FIGN: variants seen among roughly 807,000 people sequenced by gnomAD.
FIGN encodes fidgetin.
FIGN carries 11 observed loss-of-function variants against 51.3 expected under a neutral mutation model. That is an observed-to-expected ratio of 0.21 (90% CI 0.13 to 0.35). The LOEUF (loss-of-function observed/expected upper bound fraction) is 0.35, where lower values mean the gene tolerates loss of function less well. Among genes scored for constraint, FIGN ranks in the 10% least tolerant of loss-of-function variants. FIGN has a pLI of 1.00. For missense variants in FIGN, 857 were observed against 943.6 expected, an observed-to-expected ratio of 0.91 and a Z score of 1.20; for synonymous variants, 407 against 363.2, an observed-to-expected ratio of 1.12 and a Z score of -1.37.
Position 163,609,541 on chromosome 2 carries a change from TAAAGAA to T in FIGN, c.*5_*10del. 5 of 1,590,604 alleles carry T rather than the reference TAAAGAA, an allele frequency of 3.1e-6. No homozygotes were observed. The Admixed American group carries it at 8.6e-5, about 27-fold the overall frequency. The stretch of plus-strand genomic sequence containing the variant: ...CAACATTCATTACATTTTTTTTTTC[TAAAGAA>T]GTTATCACTGACTGCAACCAAACAT... On this transcript the variant is annotated 3_prime_UTR_variant, in exon 3 of 3. Coordinates refer to ENST00000333129, the MANE Select transcript of FIGN (RefSeq NM_018086.4).
chr2:163,612,603 A>T, intron 2 of FIGN: 1 of 984,198 alleles, frequency 1.0e-6, no homozygotes, highest in Non-Finnish European at 1.2e-6. Context: ...AAAAACAAGC[A>T]TCACTTGTCT....
chr2:163,734,896 G>A lies in FIGN; in HGVS notation c.25+7C>T. 1 of 1,605,840 alleles carries A rather than the reference G, an allele frequency of 6.2e-7. No individual in the cohort carries two copies. The highest frequency in any genetic ancestry group is 8.5e-7 in the Non-Finnish European group (1 of 1,176,698). On this transcript the variant is annotated splice_region_variant and intron_variant, in intron 2 of 2. Coordinates refer to ENST00000333129, the MANE Select transcript of FIGN (RefSeq NM_018086.4). ...TGCAAAGGAAGTAAATTCCAAAACT[G>A]ACATACCATAAACACTGGTGCTACT...
chr2:163,603,234 C>CA lies in FIGN; in HGVS notation c.*6317dup, dbSNP rs903921731. 3 of 151,576 alleles carry CA rather than the reference C, an allele frequency of 2.0e-5. No homozygotes were observed. Among genetic ancestry groups the CA allele is most frequent in the Non-Finnish European group, 2.9e-5 (2 of 67,860 alleles). The allele number at this position is 151,576 out of a possible 1,614,324, so 9.4% of individuals were successfully genotyped here. ...TTCAGCAGATGTAAAATAATGCACA[C>CA]AAAAAAATGATTTGAAATTTGCAGA... On this transcript the variant is annotated 3_prime_UTR_variant, in exon 3 of 3. Coordinates refer to ENST00000333129, the MANE Select transcript of FIGN (RefSeq NM_018086.4).
At chr2:163,656,337 C>T (rs1683558732) in intron 2 of FIGN, among the ~76,000 whole-genome samples, 1 of 151,958 alleles carries the variant, frequency 6.6e-6, no homozygotes, top group Admixed American at 6.6e-5. Context: ...ACATGTCACT[C>T]TAAATTGAGT....
intron 2 of FIGN, among the ~76,000 whole-genome samples, chr2:163,674,361 C>T (rs1356084900): frequency 6.6e-6 from 1 of 152,084 alleles, no homozygotes; most frequent in Non-Finnish European, 1.5e-5. Context: ...GAGCTAATGC[C>T]CTATTTCATG....
At chr2:163,686,777 TAC>T (rs151050116) in intron 2 of FIGN, among the ~76,000 whole-genome samples, 50 of 146,304 alleles carry the variant, frequency 3.4e-4, no homozygotes, top group Middle Eastern at 3.6e-3. Flanking sequence ...TATATACACA[TAC>T]ACACACACAC....
chr2:163,610,078 C>G lies in FIGN; in HGVS notation c.1754G>C (p.Ser585Thr). ...AGAGGAGAGAAGCATGTCAATGTCA[C>G]TAACAAAAATCACCGAGGGCTGGCG... ...RCRQPSVIFV[S>T]DIDMLLSSQV... is the part of the protein sequence containing the mutation. The change falls in exon 3 of 3, where the codon AGT becomes ACT. Residue 585 changes from serine (S) to threonine (T), a missense_variant. By Grantham distance (58) the Ser-to-Thr change is moderately conservative (BLOSUM62 1). Around this residue, in one of 3 missense-constraint regions of FIGN, gnomAD observed 799 missense variants for 849.5 expected, o/e 0.94. Coordinates refer to ENST00000333129, the MANE Select transcript of FIGN (RefSeq NM_018086.4). 1 of 1,613,902 alleles carries G rather than the reference C, an allele frequency of 6.2e-7. No individual in the cohort carries two copies.
chr2:163,671,821 G>A (rs150018111), intron 2 of FIGN, among the ~76,000 whole-genome samples: 1 of 152,198 alleles, frequency 6.6e-6, no homozygotes, highest in East Asian at 1.9e-4. Flanking sequence ...AAATAGGTGA[G>A]TATTAACATG....
chr2:163,698,501 T>A (rs61525396), intron 2 of FIGN, among the ~76,000 whole-genome samples: 6,833 of 151,492 alleles, frequency 0.045, 182 homozygotes, highest in African/African-American at 0.063. Context: ...TTTCCAAGAT[T>A]CCCCCCACCC....
chr2:163,669,768 CTT>C (rs574837247), intron 2 of FIGN, among the ~76,000 whole-genome samples: 26 of 152,270 alleles, frequency 1.7e-4, no homozygotes, highest in Middle Eastern at 6.8e-3. Flanking sequence ...AGAAATGAAA[CTT>C]AATATACGTC....
intron 2 of FIGN, among the ~76,000 whole-genome samples, chr2:163,733,942 CAAAA>C (rs36027114): frequency 2.0e-5 from 2 of 100,152 alleles, no homozygotes; most frequent in African/African-American, 7.6e-5. Flanking sequence ...TAGCAACAAC[CAAAA>C]AAAAAAAAAA....
chr2:163,682,007 T>C (rs528331243), intron 2 of FIGN, among the ~76,000 whole-genome samples: 3 of 152,294 alleles, frequency 2.0e-5, no homozygotes, highest in African/African-American at 7.2e-5. Flanking sequence ...AAGTTGCAGT[T>C]TGGCCTTGCT....
chr2:163,734,656 A>G (rs1383761416), intron 2 of FIGN, among the ~76,000 whole-genome samples: 1 of 151,914 alleles, frequency 6.6e-6, no homozygotes, highest in Non-Finnish European at 1.5e-5. Context: ...AGTAACGTGC[A>G]ACTTCTGGAT....
At position 163,611,216 on chromosome 2, in the gene FIGN, G is replaced by A; in HGVS notation, c.616C>T (p.Leu206Phe). 3 of 1,614,150 alleles carry A rather than the reference G, an allele frequency of 1.9e-6. No individual in the cohort carries two copies. The highest frequency in any genetic ancestry group is 2.5e-6 in the Non-Finnish European group (3 of 1,180,018). ...STYSSQPAPA[L>F]PSPHPSPLHS... Reference sequence around the variant, plus strand: ...AAAGGAGACGGATGAGGTGAAGGAAGTGCAGGTGCTGGCTGGCTACTATAA... The same window carrying A: ...AAAGGAGACGGATGAGGTGAAGGAAATGCAGGTGCTGGCTGGCTACTATAA... Residue 206 changes from leucine to phenylalanine, a missense_variant, in exon 3 of 3, where the codon CTT becomes TTT. Leu to Phe is a conservative substitution (Grantham distance 22). This residue lies in a region of FIGN where 799 missense variants were observed against 849.5 expected (regional missense o/e 0.94). Transcript: ENST00000333129.
At chr2:163,614,670 C>G (rs1336243550) in intron 2 of FIGN, among the ~76,000 whole-genome samples, 1 of 152,002 alleles carries the variant, frequency 6.6e-6, no homozygotes, top group African/African-American at 2.4e-5. Flanking sequence ...GAATTTAGCA[C>G]AACACACACA....
At chr2:163,620,505 C>T (rs938703275) in intron 2 of FIGN, among the ~76,000 whole-genome samples, 3 of 152,124 alleles carry the variant, frequency 2.0e-5, no homozygotes, top group African/African-American at 7.2e-5. Flanking sequence ...ATGGGGTTAA[C>T]ACAACCTGAG....
chr2:163,603,018 A>G lies in FIGN; in HGVS notation c.*6534T>C, dbSNP rs1275611413. 6.6e-6 allele frequency: 1 copy of G among 152,108 alleles called. No homozygotes were observed. Among genetic ancestry groups the G allele is most frequent in the East Asian group, 1.9e-4 (1 of 5,188 alleles). 9.4% of individuals were successfully genotyped at this position (152,108 alleles called of 1,614,324 possible). On this transcript the variant is annotated 3_prime_UTR_variant, in exon 3 of 3. Transcript: ENST00000333129. ...TTCCTACACACATATGATCAACCAT[A>G]TAATGATCCCATCAAAATAAAAAAA...
chr2:163,682,361 C>T (rs77207725), intron 2 of FIGN, among the ~76,000 whole-genome samples: 3,479 of 151,898 alleles, frequency 0.023, 130 homozygotes, highest in African/African-American at 0.08. Flanking sequence ...CATAAAATAA[C>T]AGTCTATAGC....
chr2:163,733,474 ATC>A (rs1346033761), intron 2 of FIGN, among the ~76,000 whole-genome samples: 2 of 152,210 alleles, frequency 1.3e-5, no homozygotes, highest in Non-Finnish European at 2.9e-5. Context: ...CAGCAGCCCA[ATC>A]TGCTCTGAAT....
Sources: gnomAD v4.1 joint callset for allele counts (sites outside exome capture counted in the v4.1 genomes callset) on GRCh38, gnomAD v4.1.1 for gene constraint, gnomAD v4.1.1 regional missense constraint, MANE v1.5 for transcripts, NCBI Gene and HGNC (gene_info 2026-07-23, HGNC 2026-07-21) for gene names.